Variants in DDX11 observed in about 807,000 individuals in gnomAD.
DDX11 encodes the protein DEAD/H-box helicase 11, also known as ATP-dependent DNA helicase DDX11.
Under a neutral mutation model 125.2 loss-of-function variants are expected in DDX11, and 72 were observed. That is an observed-to-expected ratio of 0.58 (90% confidence interval 0.48 to 0.70). The LOEUF is 0.70. Among genes scored for constraint, DDX11 ranks in the 30% least tolerant of loss-of-function variants. The pLI, the probability that DDX11 is intolerant of heterozygous loss-of-function variation, is 0.00. For synonymous variants in DDX11, 347 were observed against 452.6 expected (o/e 0.77, Z 2.96); for missense variants, 883 against 1,165.0 (o/e 0.76, Z 3.52).
intron 6 of DDX11, among the ~76,000 whole-genome samples, 200 bp from the exon 7 acceptor site, chr12:31,088,844 C>G (rs537943798): frequency 6.6e-6 from 1 of 152,372 alleles, no homozygotes; most frequent in African/African-American, 2.4e-5. Flanking sequence ...CCTTGAACTT[C>G]TGGAGCTGTG....
At chr12:31,088,970 C>G (rs556432006) in intron 6 of DDX11, 74 bp from the exon 7 acceptor site, 9 of 1,210,458 alleles carry the variant, frequency 7.4e-6, no homozygotes, top group Non-Finnish European at 8.6e-6. Flanking sequence ...CAGGCCCTGG[C>G]GTGCCTTGAT....
intron 17 of DDX11, among the ~76,000 whole-genome samples, chr12:31,097,579 C>T (rs1945510859): frequency 6.9e-6 from 1 of 145,882 alleles, no homozygotes; most frequent in Non-Finnish European, 1.5e-5. Context: ...ACTCGGGAGG[C>T]TGAGGCAGGA....
chr12:31,091,933 C>T (rs1944314722), intron 10 of DDX11, 62 bp downstream of exon 10: 17 of 1,606,728 alleles, frequency 1.1e-5, no homozygotes, highest in Non-Finnish European at 1.3e-5. Context: ...TTGGATGGTT[C>T]CTCCAGACAC....
chr12:31,102,894 G>T (rs3825311), intron 23 of DDX11, 42 bp from the exon 24 acceptor site: 1 of 1,595,506 alleles, frequency 6.3e-7, no homozygotes, highest in African/African-American at 1.3e-5. Context: ...GACCCGGGAG[G>T]TCCTGACGTC....
chr12:31,083,326 C>CAA (rs1198675302), intron 2 of DDX11, among the ~76,000 whole-genome samples: 1 of 135,564 alleles, frequency 7.4e-6, no homozygotes, highest in African/African-American at 2.7e-5. Flanking sequence ...AAAAAAAAAA[C>CAA]AAAACAAAAC....
Position 31,097,881 on chromosome 12 carries a change from C to G in DDX11, c.1763-4C>G, listed in dbSNP as rs1945597971. The G allele has an allele frequency of 1.2e-6, 2 of 1,609,564 alleles. No individual in the cohort carries two copies. Among genetic ancestry groups the G allele is most frequent in the Non-Finnish European group, 1.7e-6 (2 of 1,176,796 alleles). ...ACTCACCTCCCACCGATCTGTTTTT[C>G]CAGGCAGCCTCAGTCAGAGCACCCT... On this transcript the variant is annotated splice_polypyrimidine_tract_variant and splice_region_variant and intron_variant, in intron 17 of 26. Coordinates refer to ENST00000542838, the MANE Select transcript of DDX11 (RefSeq NM_030653.4).
rs187192818 is a variant in DDX11 at position 31,102,532 on chromosome 12, G to A, written c.2372+5G>A. The A allele has an allele frequency of 4.3e-6, 7 of 1,612,722 alleles. No homozygotes were observed. In the Admixed American group the frequency reaches 8.3e-5, roughly 19 times the overall value. On this transcript the variant is annotated splice_donor_5th_base_variant and intron_variant, in intron 23 of 26. Coordinates refer to ENST00000542838, the MANE Select transcript of DDX11 (RefSeq NM_030653.4). ...CTTCTCTGACAACCTAGGCCGGTAA[G>A]TAGTGGTTCTGCTCGTCTCCTGGGC...
chr12:31,078,529 A>G lies in DDX11; in HGVS notation c.136A>G (p.Thr46Ala), dbSNP rs765974869. ...CAAGATTGGGATATTTGAGAGTCCA[A>G]CTGGCACTGTGAGTATGAACAGTGA... is the stretch of plus-strand genomic sequence containing the variant. ...AGKIGIFESP[T>A]GTGKSLSLIC... Residue 46 changes from threonine to alanine, a missense_variant, in exon 2 of 27, where the codon ACT becomes GCT. By Grantham distance (58) the Thr-to-Ala change is moderately conservative. Coordinates refer to ENST00000542838, the MANE Select transcript of DDX11 (RefSeq NM_030653.4). 1.6e-5 allele frequency: 25 copies of G among 1,611,744 alleles called. No homozygotes were observed. The highest frequency in any genetic ancestry group is 1.0e-4 in the Admixed American group (6 of 59,994).
rs1029017100 is a variant in DDX11, at chr12:31,093,478, G to A, written c.1369+154G>A. ...CGCCTGTAATCCCAGCACTTGGGAG[G>A]CCGAGGCAGGTGGTTCACCTGAGGT... On this transcript the variant is annotated intron_variant, in intron 12 of 26. Transcript: ENST00000542838. The A allele has an allele frequency of 4.7e-4, 459 of 976,412 alleles. 4 individuals are homozygous for A. The highest frequency in any genetic ancestry group is 7.3e-5 in the Non-Finnish European group (46 of 630,890). 60.5% of individuals were successfully genotyped at this position (976,412 alleles called of 1,614,324 possible). A position where few individuals can be genotyped will look rare whatever the true frequency, so the allele number is the denominator to read the frequency against.
intron 2 of DDX11, among the ~76,000 whole-genome samples, chr12:31,080,346 TC>T (rs1215929920): frequency 6.6e-6 from 1 of 152,044 alleles, no homozygotes; most frequent in African/African-American, 2.4e-5. Context: ...CTGGCCCTCC[TC>T]CCCCTCCCTC....
Position 31,084,973 on chromosome 12 carries a change from A to G in DDX11, c.485A>G (p.Gln162Arg), listed in dbSNP as rs1942812545. Residue 162 changes from glutamine (Q) to arginine (R), a missense_variant, in exon 5 of 27, where the codon CAG becomes CGG. Gln to Arg is a conservative substitution (Grantham distance 43). Coordinates refer to ENST00000542838, the MANE Select transcript of DDX11 (RefSeq NM_030653.4). ...QLKYAAKRLR[Q>R]EEEERENLLR... ...ACCTCCACTACCCCTGTCCAGAGGC[A>G]GGAAGAAGAAGAAAGAGAGAATCTC... 1.2e-6 allele frequency: 2 copies of G among 1,606,044 alleles called. No individual in the cohort carries two copies. The highest frequency in any genetic ancestry group is 1.7e-5 in the Admixed American group (1 of 59,276).
At chr12:31,098,691 C>T (rs920934879) in intron 18 of DDX11, among the ~76,000 whole-genome samples, 2 of 152,252 alleles carry the variant, frequency 1.3e-5, no homozygotes, top group African/African-American at 4.8e-5. Context: ...AGCAGTGCTT[C>T]CCAGCCCCAG....
At position 31,093,336 on chromosome 12, in the gene DDX11, G is replaced by A. The variant is rs116263118; in HGVS notation, c.1369+12G>A. The A allele has an allele frequency of 3.7e-5, 60 of 1,613,782 alleles. 1 individual carries two copies. The highest frequency in any genetic ancestry group is 2.3e-4 in the Admixed American group (14 of 59,998). On this transcript the variant is annotated intron_variant, in intron 12 of 26. Transcript: ENST00000542838. ...GGCTGTGCTAGGGGGTGAGAGCCTCGTCCCCCTGCTGACCCCGGGCCTGCA... is the reference window on the plus strand; with the variant it reads ...GGCTGTGCTAGGGGGTGAGAGCCTCATCCCCCTGCTGACCCCGGGCCTGCA...
At position 31,085,253 on chromosome 12, in the gene DDX11, C is replaced by T; in HGVS notation, c.638+127C>T. The T allele has an allele frequency of 6.8e-6, 9 of 1,320,492 alleles. No individual in the cohort carries two copies. The East Asian group carries it at 1.0e-4, about 15-fold the overall frequency. The allele number at this position is 1,320,492 out of a possible 1,614,324, so 81.8% of individuals were successfully genotyped here. A position where few individuals can be genotyped will look rare whatever the true frequency, so the allele number is the denominator to read the frequency against. On this transcript the variant is annotated intron_variant, in intron 5 of 26. Coordinates refer to ENST00000542838, the MANE Select transcript of DDX11 (RefSeq NM_030653.4). ...GGCATGGTGGCCTCTGCCCTCTGCT[C>T]TAAGCCGGGTCCTTCCTAGGGTCCA...
At chr12:31,093,218 A>G (rs752100156) in intron 11 of DDX11, 27 bp from the exon 12 acceptor site, 1 of 1,603,602 alleles carries the variant, frequency 6.2e-7, no homozygotes, top group African/African-American at 1.3e-5. Flanking sequence ...GGGCACCACC[A>G]CTTAATGTCC....
rs1943766881 is a variant in DDX11 at position 31,089,412 on chromosome 12, GT to G, written c.803del (p.Val268GlufsTer5). ...TTCTCCTTTGCTGCAGAACCTTTGT[GT>G]AAATGAAGACGTGAAAAGCCTAGGT... ...VSLGSRQNLCVNEDVKSLGSV... is the reference protein window; with the variant it reads ...VSLGSRQNLCXNEDVKSLGSV... On this transcript the variant is annotated frameshift_variant, in exon 8 of 27. Transcript: ENST00000542838. LOFTEE classifies it high-confidence loss of function. The G allele has an allele frequency of 2.5e-6, 4 of 1,613,868 alleles. No homozygotes were observed. Among genetic ancestry groups the G allele is most frequent in the Non-Finnish European group, 3.4e-6 (4 of 1,179,872 alleles).
At chr12:31,094,716 GGGT>G (rs1944913398) in intron 13 of DDX11, 36 bp from the exon 14 acceptor site, 1 of 1,592,566 alleles carries the variant, frequency 6.3e-7, no homozygotes, top group African/African-American at 1.3e-5. Context: ...CTGAGGCTTA[GGGT>G]GAAGCTCCCA....
chr12:31,079,660 G>GT (rs1485059934), intron 2 of DDX11, among the ~76,000 whole-genome samples: 1 of 151,588 alleles, frequency 6.6e-6, no homozygotes, highest in Non-Finnish European at 1.5e-5. Flanking sequence ...TTCAACATAT[G>GT]TTTGTTTGTT....
intron 1 of DDX11, among the ~76,000 whole-genome samples, chr12:31,076,503 T>C (rs183631732): frequency 2.0e-5 from 3 of 152,328 alleles, no homozygotes; most frequent in Admixed American, 2.0e-4. Context: ...CCGGATGAGC[T>C]TCACTAAAGC....
Sources: allele counts gnomAD v4.1 joint callset (sites outside exome capture counted in the v4.1 genomes callset), GRCh38; gene constraint gnomAD v4.1.1; transcripts MANE v1.5; gene names NCBI Gene and HGNC (gene_info 2026-07-23, HGNC 2026-07-21).